ADGRF1: variants seen among roughly 807,000 people sequenced by gnomAD.
ADGRF1 encodes the protein adhesion G protein-coupled receptor F1, also known as G protein-coupled receptor 110.
ADGRF1 carries 85 observed loss-of-function variants against 87.2 expected under a neutral mutation model. The observed-to-expected ratio is 0.97, with a 90% confidence interval of 0.82 to 1.17. The LOEUF (loss-of-function observed/expected upper bound fraction) is 1.17. Among genes scored for constraint, ADGRF1 ranks in the 50% most tolerant of loss-of-function variants. The probability of loss-of-function intolerance (pLI) is 0.00; values close to 1 mark genes in which losing one functional copy is unlikely to be tolerated. For missense variants in ADGRF1, 1,169 were observed against 1,077.2 expected (o/e 1.09, Z -1.19); for synonymous variants, 430 against 408.8 (o/e 1.05, Z -0.63).
intron 13 of ADGRF1, among the ~76,000 whole-genome samples, chr6:47,005,118 C>T (rs1300109530): frequency 6.6e-6 from 1 of 152,206 alleles, no homozygotes; most frequent in African/African-American, 2.4e-5. Context: ...AGAACTCCTT[C>T]TGAAAGGCCC....
intron 1 of ADGRF1, among the ~76,000 whole-genome samples, chr6:47,035,244 G>T (rs765098251): frequency 1.8e-4 from 28 of 152,190 alleles, no homozygotes; most frequent in Non-Finnish European, 3.4e-4. Flanking sequence ...TTCCGCAAAA[G>T]ATGCCAAGCT....
chr6:47,023,430 G>A (rs1382317419), intron 5 of ADGRF1, among the ~76,000 whole-genome samples: 1 of 152,188 alleles, frequency 6.6e-6, no homozygotes, highest in African/African-American at 2.4e-5. Flanking sequence ...AATCATTGCA[G>A]GAGCTTAGTA....
At chr6:47,008,617 A>G (rs1211336802) in intron 11 of ADGRF1, among the ~76,000 whole-genome samples, 2 of 152,282 alleles carry the variant, frequency 1.3e-5, no homozygotes, top group East Asian at 1.9e-4. Context: ...CTTATGATGT[A>G]TTTCCCTTTC....
At chr6:47,001,721 T>G (rs1157316240) in intron 13 of ADGRF1, 154 bp from the exon 14 acceptor site, 2 of 607,504 alleles carry the variant, frequency 3.3e-6, no homozygotes, top group Non-Finnish European at 5.7e-6. Context: ...ACTTTCTCAC[T>G]CTTTCTTCTG....
chr6:47,024,675 G>A (rs1322547341), intron 4 of ADGRF1, among the ~76,000 whole-genome samples: 2 of 152,166 alleles, frequency 1.3e-5, no homozygotes, highest in Non-Finnish European at 2.9e-5. Flanking sequence ...TTTGGTTGGT[G>A]CAAAAGTAAT....
intron 1 of ADGRF1, among the ~76,000 whole-genome samples, chr6:47,036,869 C>T (rs912714036): frequency 1.3e-5 from 2 of 152,180 alleles, no homozygotes; most frequent in Non-Finnish European, 2.9e-5. Flanking sequence ...CAAGATTCTA[C>T]ACCATACAGA....
intron 12 of ADGRF1, among the ~76,000 whole-genome samples, chr6:47,006,449 T>A (rs1779532820): frequency 8.2e-6 from 1 of 121,852 alleles, no homozygotes; most frequent in African/African-American, 2.6e-5. Flanking sequence ...AAACTTACTG[T>A]TCTTCACTGG....
At chr6:47,010,832 A>G (rs1286000116) in intron 10 of ADGRF1, among the ~76,000 whole-genome samples, 1 of 152,224 alleles carries the variant, frequency 6.6e-6, no homozygotes, top group Non-Finnish European at 1.5e-5. Context: ...ACATAAAGCA[A>G]AACAATTTTA....
intron 14 of ADGRF1, among the ~76,000 whole-genome samples, chr6:47,000,901 TC>T (rs36017576): frequency 0.11 from 16,110 of 152,242 alleles, 2,045 homozygotes; most frequent in African/African-American, 0.29. Context: ...ACCTTCTCTC[TC>T]CTCCAAGAAT....
Position 47,001,519 on chromosome 6 carries a change from T to G in ADGRF1, c.2641A>C (p.Asn881His), listed in dbSNP as rs755140134. The G allele has an allele frequency of 1.2e-6, 2 of 1,613,908 alleles. No homozygotes were observed. Among genetic ancestry groups the G allele is most frequent in the Non-Finnish European group, 1.7e-6 (2 of 1,179,874 alleles). Residue 881 changes from asparagine (N) to histidine (H), a missense_variant, in exon 14 of 15, where the codon AAC becomes CAC. Transcript: ENST00000371253. ...AACTCACCTTTGTTTTGCAGTGGGTTGAAAGGCTTTGAGAATTTGGGTTTG... is the reference window on the plus strand; with the variant it reads ...AACTCACCTTTGTTTTGCAGTGGGTGGAAAGGCTTTGAGAATTTGGGTTTG... ...SAKPKFSKPF[N>H]PLQNKGHYAF... is the part of the protein sequence containing the mutation.
In ADGRF1 at chr6:47,009,465, C is replaced by A. The variant is rs183498225; in HGVS notation, c.1970G>T (p.Cys657Phe). The change falls in exon 11 of 15, where the codon TGC (cysteine) becomes TTC (phenylalanine). Residue 657 changes from cysteine (C) to phenylalanine (F), a missense_variant. By Grantham distance (205) the Cys-to-Phe change is radical (BLOSUM62 -2). Transcript: ENST00000371253. ...GTGTGTAAAGAACACAGCAGCTGTG[C>A]AGACTCCAGAAGGGTTCACCGTGGT... ...VDTTVNPSGV[C>F]TAAVFFTHFF... 6.2e-7 allele frequency: 1 copy of A among 1,613,810 alleles called. No individual in the cohort carries two copies. The highest frequency in any genetic ancestry group is 2.2e-5 in the East Asian group (1 of 44,832).
At chr6:47,011,570 C>T (rs1779708120) in intron 10 of ADGRF1, among the ~76,000 whole-genome samples, 1 of 152,048 alleles carries the variant, frequency 6.6e-6, no homozygotes, top group Admixed American at 6.6e-5. Flanking sequence ...CTATAGTGAC[C>T]AAGTATCATT....
chr6:47,012,170 G>A lies in ADGRF1; in HGVS notation c.953C>T (p.Ala318Val). ...GAAGGATGACACAGCTGCCTCAGTG[G>A]CATTGCCTACAATCATACTGAAATT... ...NKNFSMIVGN[A>V]TEAAVSSFVQ... The change falls in exon 10 of 15, where the codon GCC becomes GTC. Residue 318 changes from alanine to valine, a missense_variant. By Grantham distance (64) the Ala-to-Val change is moderately conservative. Transcript: ENST00000371253. 6.2e-7 allele frequency: 1 copy of A among 1,613,362 alleles called. No individual in the cohort carries two copies. Among genetic ancestry groups the A allele is most frequent in the Non-Finnish European group, 8.5e-7 (1 of 1,179,366 alleles).
intron 1 of ADGRF1, among the ~76,000 whole-genome samples, chr6:47,034,562 A>G (rs1170894585): frequency 6.6e-6 from 1 of 152,174 alleles, no homozygotes; most frequent in African/African-American, 2.4e-5. Flanking sequence ...TTGTTCAACT[A>G]CCGTATACTG....
chr6:47,001,685 T>G, intron 13 of ADGRF1, 118 bp from the exon 14 acceptor site: 1 of 758,948 alleles, frequency 1.3e-6, no homozygotes, highest in South Asian at 1.8e-5. Flanking sequence ...TAGGTGCTAT[T>G]CTCTTTTTAA....
In ADGRF1 at chr6:47,029,051, C is replaced by G; in HGVS notation, c.11G>C (p.Gly4Ala). The G allele has an allele frequency of 1.2e-6, 2 of 1,614,096 alleles. No homozygotes were observed. Among genetic ancestry groups the G allele is most frequent in the African/African-American group, 2.7e-5 (2 of 75,036 alleles). ...GAAGAAAGAAATGAGCCACAGCACT[C>G]CAACTTTCATTTTCCCTGGACTGAA... MKV[G>A]VLWLISFFTF... Residue 4 changes from glycine to alanine, a missense_variant, in exon 2 of 15, where the codon GGA (glycine) becomes GCA (alanine). Coordinates refer to ENST00000371253, the MANE Select transcript of ADGRF1 (RefSeq NM_153840.4).
chr6:47,000,156 A>C lies in ADGRF1; in HGVS notation c.*66T>G. On this transcript the variant is annotated 3_prime_UTR_variant, in exon 15 of 15. Transcript: ENST00000371253. ...ATCGAATACTGAGCATAATTTCTTC[A>C]TTGACATTTGTCTCTAAATGTCAAG... 1 of 1,206,526 alleles carries C rather than the reference A, an allele frequency of 8.3e-7. No homozygotes were observed. Among genetic ancestry groups the C allele is most frequent in the Non-Finnish European group, 1.2e-6 (1 of 818,446 alleles). 74.7% of individuals were successfully genotyped at this position (1,206,526 alleles called of 1,614,324 possible).
At chr6:47,027,267 T>C (rs1270178275) in intron 3 of ADGRF1, among the ~76,000 whole-genome samples, 2 of 152,358 alleles carry the variant, frequency 1.3e-5, no homozygotes, top group Admixed American at 6.5e-5. Context: ...CATTGCTGTA[T>C]GGCAGATTTA....
chr6:47,020,312 G>T, intron 7 of ADGRF1: 1 of 949,902 alleles, frequency 1.1e-6, no homozygotes, highest in Non-Finnish European at 1.5e-6. Context: ...GGCCAACATG[G>T]TGAAACCCTG....
Sources: gnomAD v4.1 joint callset for allele counts (sites outside exome capture counted in the v4.1 genomes callset) on GRCh38, gnomAD v4.1.1 for gene constraint, MANE v1.5 for transcripts, NCBI Gene and HGNC (gene_info 2026-07-23, HGNC 2026-07-21) for gene names.